Variants in FGD4 observed in about 807,000 individuals in gnomAD.
The protein encoded by FGD4 is FYVE, RhoGEF and PH domain-containing protein 4.
A neutral mutation model predicts 102.0 loss-of-function variants in FGD4; 42 were observed. That is an observed-to-expected ratio of 0.41 (90% CI 0.32 to 0.53). The LOEUF is 0.53. FGD4 is among the 20% of genes least tolerant of loss of function. The pLI is 0.21. For missense variants in FGD4, 902 were observed against 1,078.2 expected, an observed-to-expected ratio of 0.84 and a Z score of 2.29; for synonymous variants, 380 against 375.7, an observed-to-expected ratio of 1.01 and a Z score of -0.13.
At chr12:32,638,587 T>C in intron 15 of FGD4, 68 bp from the exon 16 acceptor site, 1 of 1,587,322 alleles carries the variant, frequency 6.3e-7, no homozygotes, top group South Asian at 1.1e-5. Flanking sequence ...AAACACATTG[T>C]ACTTTGTGAA....
chr12:32,611,349 C>T (rs1356624749), intron 10 of FGD4, 66 bp downstream of exon 10: 6 of 1,586,142 alleles, frequency 3.8e-6, no homozygotes, highest in Non-Finnish European at 5.2e-6. Flanking sequence ...GGCACGGTGG[C>T]TCATGCCTGT....
At chr12:32,462,686 A>G (rs1226389334) in intron 1 of FGD4, among the ~76,000 whole-genome samples, 1 of 152,138 alleles carries the variant, frequency 6.6e-6, no homozygotes, top group Non-Finnish European at 1.5e-5. Context: ...TTAACTGAAG[A>G]CCTTCCAGGC....
chr12:32,403,282 G>A (rs529624338), intron 1 of FGD4, among the ~76,000 whole-genome samples: 14 of 152,246 alleles, frequency 9.2e-5, no homozygotes, highest in Admixed American at 2.6e-4. Context: ...GTGTATTCCT[G>A]AATGTGAAGC....
chr12:32,536,819 T>TA (rs1283681560), intron 1 of FGD4, among the ~76,000 whole-genome samples: 2 of 152,184 alleles, frequency 1.3e-5, no homozygotes, highest in Admixed American at 6.5e-5. Flanking sequence ...TACACACAAA[T>TA]ACATTTTTAA....
At chr12:32,479,595 T>A (rs1296117179) in intron 1 of FGD4, among the ~76,000 whole-genome samples, 1 of 149,518 alleles carries the variant, frequency 6.7e-6, no homozygotes, top group Non-Finnish European at 1.5e-5. Flanking sequence ...GAGGTCTGTA[T>A]TTTCACAGAC....
At chr12:32,491,383 C>T (rs930251329) in intron 1 of FGD4, among the ~76,000 whole-genome samples, 12 of 152,166 alleles carry the variant, frequency 7.9e-5, no homozygotes, top group Non-Finnish European at 1.6e-4. Context: ...TTGTCTTAGG[C>T]TTCTGAGGTC....
chr12:32,493,801 C>T (rs932676790), intron 1 of FGD4, among the ~76,000 whole-genome samples: 7 of 152,174 alleles, frequency 4.6e-5, no homozygotes, highest in Non-Finnish European at 8.8e-5. Context: ...TAATGTTGGG[C>T]AGTGATACCT....
intron 1 of FGD4, among the ~76,000 whole-genome samples, chr12:32,501,171 C>T (rs566819980): frequency 6.6e-6 from 1 of 152,346 alleles, no homozygotes; most frequent in East Asian, 1.9e-4. Flanking sequence ...CCCACTTCAG[C>T]CTTCTGTGTA....
Position 32,431,333 on chromosome 12 carries a change from G to A in FGD4, c.166+31374G>A, listed in dbSNP as rs559376030. On this transcript the variant is annotated intron_variant, in intron 1 of 16. Coordinates refer to ENST00000534526, the MANE Select transcript of FGD4 (RefSeq NM_001370298.3). Reference sequence around the variant, plus strand: ...ATACATGCAAAAGCCCTTATTTCAGGATATCCACTTTTTCAGATCTTTTGT... The same window carrying A: ...ATACATGCAAAAGCCCTTATTTCAGAATATCCACTTTTTCAGATCTTTTGT... Among the ~76,000 whole-genome samples, 527 of 152,226 alleles carry A rather than the reference G, an allele frequency of 3.5e-3. 8 individuals carry two copies. Among genetic ancestry groups the A allele is most frequent in the African/African-American group, 0.012 (492 of 41,526 alleles).
At chr12:32,514,029 C>T (rs2136690557) in intron 1 of FGD4, among the ~76,000 whole-genome samples, 1 of 152,288 alleles carries the variant, frequency 6.6e-6, no homozygotes, top group Middle Eastern at 3.4e-3. Flanking sequence ...AAGCAAACTT[C>T]CAGTTTCTCT....
At chr12:32,605,789 T>C (rs1232715908) in intron 7 of FGD4, among the ~76,000 whole-genome samples, 1 of 152,250 alleles carries the variant, frequency 6.6e-6, no homozygotes, top group East Asian at 1.9e-4. Flanking sequence ...TTGTTACATG[T>C]CTTCATTCTC....
rs58514133 is a variant in FGD4 at position 32,610,839 on chromosome 12, G to A, written c.1602+5G>A. On this transcript the variant is annotated splice_donor_5th_base_variant and intron_variant, in intron 9 of 16. Transcript: ENST00000534526. ...AATAGTGCAATAAGGAAAATGGTAA[G>A]TGGTTTTCGGAGGAGACAGGAACCT... The A allele has an allele frequency of 6.2e-7, 1 of 1,613,588 alleles. No individual in the cohort carries two copies. Among genetic ancestry groups the A allele is most frequent in the Non-Finnish European group, 8.5e-7 (1 of 1,179,746 alleles).
chr12:32,495,812 T>C (rs1937778679), intron 1 of FGD4, among the ~76,000 whole-genome samples: 3 of 152,186 alleles, frequency 2.0e-5, no homozygotes, highest in Admixed American at 2.0e-4. Context: ...TATCTATTTG[T>C]GTGCGTGCAT....
At chr12:32,620,777 A>C (rs1949791754) in intron 11 of FGD4, among the ~76,000 whole-genome samples, 1 of 144,844 alleles carries the variant, frequency 6.9e-6, no homozygotes, top group Non-Finnish European at 1.5e-5. Context: ...GGCTCACTGC[A>C]AGCTCCGCCT....
In FGD4 at chr12:32,602,166, C is replaced by G; in HGVS notation, c.1253C>G (p.Thr418Ser). 6.2e-7 allele frequency: 1 copy of G among 1,613,910 alleles called. No homozygotes were observed. Among genetic ancestry groups the G allele is most frequent in the Non-Finnish European group, 8.5e-7 (1 of 1,179,998 alleles). ...ELEKRMQEWE[T>S]TPRIGDILQK... ...TTTTTCTATATTTGATACAGGGAAA[C>G]TACTCCTAGAATTGGAGACATCCTT... Residue 418 changes from threonine to serine, a missense_variant, in exon 7 of 17, where the codon ACT becomes AGT. Physicochemically the swap from Thr to Ser is moderately conservative, Grantham distance 58. This residue lies in a region of FGD4 where 459 missense variants were observed against 619.0 expected (regional missense o/e 0.74). Transcript: ENST00000534526.
chr12:32,569,643 C>A (rs2136320957), intron 2 of FGD4, among the ~76,000 whole-genome samples: 1 of 152,262 alleles, frequency 6.6e-6, no homozygotes, highest in African/African-American at 2.4e-5. Flanking sequence ...TCTTTTAGCC[C>A]TCACCACGTT....
At chr12:32,550,982 A>G (rs1227246979) in intron 1 of FGD4, among the ~76,000 whole-genome samples, 1 of 152,186 alleles carries the variant, frequency 6.6e-6, no homozygotes, top group Non-Finnish European at 1.5e-5. Context: ...TCTTTGTTGA[A>G]TAAGAGATTC....
intron 1 of FGD4, among the ~76,000 whole-genome samples, chr12:32,556,429 G>C (rs10844241): frequency 0.36 from 54,870 of 151,812 alleles, 12,463 homozygotes; most frequent in African/African-American, 0.64. Context: ...TTCCTCCCAG[G>C]TCCTCAAAAC....
intron 1 of FGD4, among the ~76,000 whole-genome samples, chr12:32,527,762 G>A (rs1555195620): frequency 1.3e-5 from 2 of 151,916 alleles, no homozygotes; most frequent in Admixed American, 6.6e-5. Flanking sequence ...AGTCAACCAC[G>A]GTGAGAGGAA....
Sources: gnomAD v4.1 joint callset for allele counts (sites outside exome capture counted in the v4.1 genomes callset) on GRCh38, gnomAD v4.1.1 for gene constraint, gnomAD v4.1.1 regional missense constraint, MANE v1.5 for transcripts, NCBI Gene and HGNC (gene_info 2026-07-23, HGNC 2026-07-21) for gene names.